USP44: variants seen among roughly 807,000 people sequenced by gnomAD.
USP44 encodes the protein ubiquitin specific peptidase 44.
USP44 carries 61 observed loss-of-function variants against 69.0 expected under a neutral mutation model. That is an observed-to-expected ratio of 0.88 (90% CI 0.72 to 1.09). The LOEUF (loss-of-function observed/expected upper bound fraction) is 1.09, where lower values mean the gene tolerates loss of function less well. Among genes scored for constraint, USP44 ranks in the 50% least tolerant of loss-of-function variants. The probability of loss-of-function intolerance (pLI) is 0.00; values close to 1 mark genes in which losing one functional copy is unlikely to be tolerated. For missense variants in USP44, 753 were observed against 849.9 expected (o/e 0.89, Z 1.42); for synonymous variants, 297 against 295.4 (o/e 1.01, Z -0.06).
chr12:95,518,268 A>T lies in USP44; in HGVS notation c.2025T>A (p.Tyr675Ter), dbSNP rs139234540. 1 of 1,614,224 alleles carries T rather than the reference A, an allele frequency of 6.2e-7. No individual in the cohort carries two copies. Among genetic ancestry groups the T allele is most frequent in the East Asian group, 2.2e-5 (1 of 44,876 alleles). ...GTCCATTCTCAGTAACTCGTTGGGT[A>T]TAAAACAAGATATAAGCTTGAGCCT... ...VCKAQAYILF[Y>*]TQRVTENGHS... The change falls in exon 6 of 6, where the codon TAT (tyrosine) becomes TAA (stop). Residue 675 changes from tyrosine to a stop codon, truncating the protein, a stop_gained. Transcript: ENST00000258499. LOFTEE classifies it high-confidence loss of function.
At chr12:95,528,755 T>G (rs527418702) in intron 3 of USP44, 52 bp downstream of exon 3, 2 of 1,529,746 alleles carry the variant, frequency 1.3e-6, no homozygotes, top group Admixed American at 4.1e-5. Context: ...CTCATCTGCG[T>G]TTCTCTTTAT....
At chr12:95,520,408 C>G (rs2076622266) in intron 5 of USP44, among the ~76,000 whole-genome samples, 1 of 152,060 alleles carries the variant, frequency 6.6e-6, no homozygotes, top group Non-Finnish European at 1.5e-5. Flanking sequence ...AGGAGAATTG[C>G]TTGAACCCGG....
At chr12:95,524,157 T>C (rs1369711299) in intron 4 of USP44, among the ~76,000 whole-genome samples, 1 of 152,014 alleles carries the variant, frequency 6.6e-6, no homozygotes. Flanking sequence ...ATCGGCTCAC[T>C]GCAACCTCTA....
intron 1 of USP44, among the ~76,000 whole-genome samples, 165 bp downstream of exon 1, chr12:95,551,107 A>G (rs1373992407): frequency 6.6e-6 from 1 of 151,952 alleles, no homozygotes; most frequent in African/African-American, 2.4e-5. Context: ...CTCTATTGCA[A>G]TTTTATTTTT....
At chr12:95,529,840 C>T (rs557503535) in intron 2 of USP44, among the ~76,000 whole-genome samples, 1 of 151,582 alleles carries the variant, frequency 6.6e-6, no homozygotes, top group Non-Finnish European at 1.5e-5. Flanking sequence ...GATTTTAAGG[C>T]CCTGACAACT....
rs552928754 is a variant in USP44 at position 95,539,221 on chromosome 12, CTTTT to C, written c.-70-4899_-70-4896del. ...CCAGTGTGACTTGTCAATGAAATGGCTTTTTTTTTTGTTTTTTTTTTTGAGACGG... is the reference window on the plus strand; with the variant it reads ...CCAGTGTGACTTGTCAATGAAATGGCTTTTTTGTTTTTTTTTTTGAGACGG... On this transcript the variant is annotated intron_variant, in intron 1 of 5. Coordinates refer to ENST00000258499, the MANE Select transcript of USP44 (RefSeq NM_032147.5). 7.2e-3 allele frequency among the ~76,000 whole-genome samples: 1,027 copies of C among 143,378 alleles called. 8 individuals are homozygous for C. The highest frequency in any genetic ancestry group is 0.016 in the Admixed American group (233 of 14,282). The allele number at this position is 143,378 out of a possible 152,430, so 94.1% of individuals were successfully genotyped here.
rs78772066 is a variant in USP44 at position 95,525,996 on chromosome 12, C to G, written c.1625-1208G>C. ...CTGCTGCTGAATGTCCTGGACCTAC[C>G]TCTGGATTGTCTCCTAGCACATCGG... On this transcript the variant is annotated intron_variant, in intron 3 of 5. Coordinates refer to ENST00000258499, the MANE Select transcript of USP44 (RefSeq NM_032147.5). Among the ~76,000 whole-genome samples the G allele has an allele frequency of 9.2e-3, 1,404 of 152,320 alleles. 28 individuals are homozygous for G. The highest frequency in any genetic ancestry group is 0.032 in the African/African-American group (1,345 of 41,560).
At position 95,520,700 on chromosome 12, in the gene USP44, C is replaced by G. The variant is rs550122547; in HGVS notation, c.1939+297G>C. On this transcript the variant is annotated intron_variant, in intron 5 of 5. Coordinates refer to ENST00000258499, the MANE Select transcript of USP44 (RefSeq NM_032147.5). ...TAACTGAAGTAAACCAGTAAACATA[C>G]GATCTGCTTTTTGAAGTGTGTCTTT... Among the ~76,000 whole-genome samples, 3 of 152,278 alleles carry G rather than the reference C, an allele frequency of 2.0e-5. No homozygotes were observed. The East Asian group carries it at 5.8e-4, about 29-fold the overall frequency.
Position 95,517,130 on chromosome 12 carries a change from GT to G in USP44, c.*1023del, listed in dbSNP as rs1276406953. Reference sequence around the variant, plus strand: ...TTTTTTTTTAATGCTCAGGGCCAGTGTTTTAAGAGGCTCCTACCTAGTAGTC... The same window carrying G: ...TTTTTTTTTAATGCTCAGGGCCAGTGTTTAAGAGGCTCCTACCTAGTAGTC... On this transcript the variant is annotated 3_prime_UTR_variant, in exon 6 of 6. Transcript: ENST00000258499. The G allele has an allele frequency of 6.8e-6, 1 of 146,922 alleles. No homozygotes were observed. The highest frequency in any genetic ancestry group is 1.5e-5 in the Non-Finnish European group (1 of 67,226). The allele number at this position is 146,922 out of a possible 1,614,324, so 9.1% of individuals were successfully genotyped here. A position where few individuals can be genotyped will look rare whatever the true frequency, so the allele number is the denominator to read the frequency against.
chr12:95,520,536 T>C (rs2076627227), intron 5 of USP44, among the ~76,000 whole-genome samples: 1 of 151,942 alleles, frequency 6.6e-6, no homozygotes, highest in Admixed American at 6.5e-5. Flanking sequence ...AAAATCTCAA[T>C]CCAATCACTT....
At chr12:95,529,527 G>C (rs930364212) in intron 2 of USP44, among the ~76,000 whole-genome samples, 1 of 151,796 alleles carries the variant, frequency 6.6e-6, no homozygotes. Context: ...AGGTTCCAGC[G>C]ATTCTCCTGC....
intron 2 of USP44, among the ~76,000 whole-genome samples, chr12:95,530,556 G>A (rs1329206949): frequency 6.6e-6 from 1 of 151,802 alleles, no homozygotes; most frequent in African/African-American, 2.4e-5. Flanking sequence ...AGAAAGAGAA[G>A]CAAAAAGCTG....
intron 1 of USP44, among the ~76,000 whole-genome samples, chr12:95,546,062 C>T (rs534021442): frequency 2.6e-5 from 4 of 152,244 alleles, no homozygotes; most frequent in East Asian, 1.9e-4. Context: ...TTTCTGCCTC[C>T]GGGTTATTTG....
Position 95,521,138 on chromosome 12 carries a change from T to G in USP44, c.1798A>C (p.Met600Leu). 1.9e-6 allele frequency: 3 copies of G among 1,614,180 alleles called. No individual in the cohort carries two copies. Among genetic ancestry groups the G allele is most frequent in the African/African-American group, 1.3e-5 (1 of 75,058 alleles). Residue 600 changes from methionine to leucine, a missense_variant, in exon 5 of 6, where the codon ATG (methionine) becomes CTG (leucine). Physicochemically the swap from Met to Leu is conservative, Grantham distance 15 (BLOSUM62 2). Transcript: ENST00000258499. ...GTCTCCCTGCAGCAATAGGGCTCCA[T>G]GTTTAAGATTTCCTCAAAGCCAACA... is the stretch of plus-strand genomic sequence containing the variant. ...VHVGFEEILN[M>L]EPYCCRETLK... is the part of the protein sequence containing the mutation.
intron 1 of USP44, among the ~76,000 whole-genome samples, chr12:95,535,140 T>G (rs937058152): frequency 1.3e-5 from 2 of 152,202 alleles, no homozygotes; most frequent in African/African-American, 4.8e-5. Context: ...TGCCACACAC[T>G]GTTAAATGTA....
chr12:95,526,899 T>C (rs1465052357), intron 3 of USP44, among the ~76,000 whole-genome samples: 2 of 152,004 alleles, frequency 1.3e-5, no homozygotes, highest in Non-Finnish European at 2.9e-5. Context: ...TGTAAGTATA[T>C]CTTATTCTTT....
chr12:95,525,536 A>G (rs767436536), intron 3 of USP44, among the ~76,000 whole-genome samples: 5 of 152,246 alleles, frequency 3.3e-5, no homozygotes, highest in Non-Finnish European at 5.9e-5. Context: ...TTCATTTACC[A>G]AGGCTAGTCA....
At chr12:95,529,821 C>T (rs2076963933) in intron 2 of USP44, among the ~76,000 whole-genome samples, 1 of 151,970 alleles carries the variant, frequency 6.6e-6, no homozygotes, top group African/African-American at 2.4e-5. Context: ...ACTATCTTTT[C>T]ATTATGCAGA....
chr12:95,539,784 T>C (rs572750351), intron 1 of USP44, among the ~76,000 whole-genome samples: 1 of 152,306 alleles, frequency 6.6e-6, no homozygotes, highest in East Asian at 1.9e-4. Context: ...TTATGTAGAA[T>C]TAGTATATCA....
Sources: allele counts gnomAD v4.1 joint callset (sites outside exome capture counted in the v4.1 genomes callset), GRCh38; gene constraint gnomAD v4.1.1; transcripts MANE v1.5; gene names NCBI Gene and HGNC (gene_info 2026-07-23, HGNC 2026-07-21).